MET: variants seen among roughly 807,000 people sequenced by gnomAD.
MET encodes hepatocyte growth factor receptor.
MET carries 48 observed loss-of-function variants against 133.1 expected under a neutral mutation model. The observed-to-expected ratio is 0.36, with a 90% CI of 0.29 to 0.46. The LOEUF is 0.46. Among genes scored for constraint, MET ranks in the 20% least tolerant of loss-of-function variants. The probability of loss-of-function intolerance (pLI) is 1.00; values close to 1 mark genes in which losing one functional copy is unlikely to be tolerated. For synonymous variants in MET, 628 were observed against 616.5 expected (o/e 1.02, Z -0.28); for missense variants, 1,442 against 1,695.9 (o/e 0.85, Z 2.63).
intron 1 of MET, among the ~76,000 whole-genome samples, chr7:116,683,990 T>C (rs1656492171): frequency 6.6e-6 from 1 of 152,146 alleles, no homozygotes; most frequent in South Asian, 2.1e-4. Flanking sequence ...CAAACCGCTC[T>C]CTCTCACTTC....
At chr7:116,723,121 A>G (rs1792568296) in intron 2 of MET, among the ~76,000 whole-genome samples, 1 of 136,180 alleles carries the variant, frequency 7.3e-6, no homozygotes, top group Non-Finnish European at 1.6e-5. Context: ...AGGTACACCA[A>G]TCAGACGTAG....
intron 19 of MET, among the ~76,000 whole-genome samples, chr7:116,794,572 A>G (rs1046990957): frequency 5.9e-5 from 9 of 152,220 alleles, no homozygotes; most frequent in African/African-American, 2.2e-4. Flanking sequence ...GTTCAAAGGC[A>G]GGCTTTATTC....
chr7:116,753,377 A>G (rs1794004465), intron 5 of MET, among the ~76,000 whole-genome samples: 2 of 152,154 alleles, frequency 1.3e-5, no homozygotes, highest in Non-Finnish European at 2.9e-5. Context: ...TTCCTTTCTC[A>G]ATTGTCACAA....
At chr7:116,724,443 C>A (rs1252335077) in intron 2 of MET, among the ~76,000 whole-genome samples, 1 of 152,246 alleles carries the variant, frequency 6.6e-6, no homozygotes, top group African/African-American at 2.4e-5. Flanking sequence ...GTCGCTCACG[C>A]TGGGAGCTGT....
At chr7:116,689,278 G>A (rs1158248439) in intron 1 of MET, among the ~76,000 whole-genome samples, 7 of 152,110 alleles carry the variant, frequency 4.6e-5, no homozygotes, top group African/African-American at 1.7e-4. Context: ...AAAATGCTAT[G>A]CAGTTTTGCA....
chr7:116,786,331 T>C (rs1795313464), intron 19 of MET, among the ~76,000 whole-genome samples: 2 of 152,214 alleles, frequency 1.3e-5, no homozygotes, highest in Non-Finnish European at 2.9e-5. Context: ...CTTCAACATA[T>C]GAATTTCCGG....
At chr7:116,675,430 T>A (rs75159953) in intron 1 of MET, among the ~76,000 whole-genome samples, 1,611 of 152,264 alleles carry the variant, frequency 0.011, 15 homozygotes, top group African/African-American at 0.028. Context: ...AATTTTTTTT[T>A]AAAAATCAAA....
In MET at chr7:116,740,960, G is replaced by A. The variant is rs774462373; in HGVS notation, c.1636G>A (p.Val546Met). ...GTGTGGCTGGTGCCACGACAAATGT[G>A]TGCGATCGGAGGAATGCCTGAGCGG... ...VQCGWCHDKC[V>M]RSEECLSGTW... Residue 546 changes from valine to methionine, a missense_variant, in exon 5 of 21, where the codon GTG (valine) becomes ATG (methionine). Around this residue, in one of 6 missense-constraint regions of MET, gnomAD observed 762 missense variants for 792.4 expected, o/e 0.96. Transcript: ENST00000397752. 8.7e-6 allele frequency: 14 copies of A among 1,613,942 alleles called. No homozygotes were observed. The East Asian group carries it at 2.5e-4, about 28-fold the overall frequency.
At chr7:116,695,816 T>C (rs1400494495) in intron 1 of MET, 1 of 481,734 alleles carries the variant, frequency 2.1e-6, no homozygotes, top group Non-Finnish European at 4.3e-6. Flanking sequence ...ACTCAATACA[T>C]GTTCTTGTTA....
intron 5 of MET, among the ~76,000 whole-genome samples, chr7:116,746,256 C>T (rs1179612756): frequency 6.6e-6 from 1 of 152,144 alleles, no homozygotes; most frequent in Non-Finnish European, 1.5e-5. Context: ...GTTAGAATGG[C>T]AATCATTAAA....
intron 5 of MET, among the ~76,000 whole-genome samples, chr7:116,749,227 A>C (rs1793823745): frequency 6.6e-6 from 1 of 152,194 alleles, no homozygotes; most frequent in Admixed American, 6.5e-5. Flanking sequence ...CTGGCAAACC[A>C]AATCCAGCAA....
At chr7:116,701,762 T>A (rs1791590172) in intron 2 of MET, among the ~76,000 whole-genome samples, 1 of 152,096 alleles carries the variant, frequency 6.6e-6, no homozygotes, top group South Asian at 2.1e-4. Flanking sequence ...AAACCTGGGA[T>A]TAGGAAATAA....
intron 2 of MET, among the ~76,000 whole-genome samples, chr7:116,714,819 C>T (rs1315070148): frequency 1.3e-5 from 2 of 151,546 alleles, no homozygotes; most frequent in East Asian, 3.9e-4. Context: ...AGCATATATT[C>T]TATCTAGCCC....
chr7:116,705,909 C>G lies in MET; in HGVS notation c.1200+5625C>G, dbSNP rs1791770804. On this transcript the variant is annotated intron_variant, in intron 2 of 20. Coordinates refer to ENST00000397752, the MANE Select transcript of MET (RefSeq NM_000245.4). ...TTCTTTCCAGAATTTTGTAACGCCC[C>G]CTGAGATCACTGGGCACACCCTTGG... Among the ~76,000 whole-genome samples the G allele has an allele frequency of 2.0e-5, 3 of 151,978 alleles. No homozygotes were observed. In the South Asian group the frequency reaches 6.2e-4, roughly 32 times the overall value.
rs1791495307 is a variant in MET, at chr7:116,699,758, G to A, written c.674G>A (p.Gly225Asp). The change falls in exon 2 of 21, where the codon GGT (glycine) becomes GAT (aspartate). Residue 225 changes from glycine to aspartate, a missense_variant. Around this residue, in one of 6 missense-constraint regions of MET, gnomAD observed 762 missense variants for 792.4 expected, o/e 0.96. Coordinates refer to ENST00000397752, the MANE Select transcript of MET (RefSeq NM_000245.4). Reference protein sequence around the residue: ...SVRRLKETKDGFMFLTDQSYI... With the variant: ...SVRRLKETKDDFMFLTDQSYI... ...AGAAGGCTAAAGGAAACGAAAGATG[G>A]TTTTATGTTTTTGACGGACCAGTCC... The A allele has an allele frequency of 6.2e-7, 1 of 1,614,114 alleles. No individual in the cohort carries two copies. The highest frequency in any genetic ancestry group is 8.5e-7 in the Non-Finnish European group (1 of 1,179,982).
intron 5 of MET, among the ~76,000 whole-genome samples, chr7:116,742,496 G>A (rs1031113005): frequency 6.6e-6 from 1 of 152,178 alleles, no homozygotes; most frequent in Non-Finnish European, 1.5e-5. Flanking sequence ...ATATGTGTGT[G>A]TGCCCATGCA....
At chr7:116,716,490 AAAG>A (rs1371468240) in intron 2 of MET, among the ~76,000 whole-genome samples, 2 of 145,328 alleles carry the variant, frequency 1.4e-5, no homozygotes, top group Admixed American at 6.8e-5. Flanking sequence ...AGAAAGAAAG[AAAG>A]AAAGAAAGAA....
chr7:116,722,873 C>T (rs1301491730), intron 2 of MET, among the ~76,000 whole-genome samples: 8 of 150,262 alleles, frequency 5.3e-5, no homozygotes, highest in African/African-American at 1.9e-4. Context: ...ATGGGCTTCC[C>T]TTTGAGGGTA....
At chr7:116,782,229 T>C (rs1277104433) in intron 18 of MET, 132 bp downstream of exon 18, 3 of 727,922 alleles carry the variant, frequency 4.1e-6, no homozygotes, top group African/African-American at 1.7e-5. Context: ...CAATCTTAAA[T>C]CGATGTGTAA....
Sources: allele counts gnomAD v4.1 joint callset (sites outside exome capture counted in the v4.1 genomes callset), GRCh38; gene constraint gnomAD v4.1.1; regional missense constraint gnomAD v4.1.1; transcripts MANE v1.5; gene names NCBI Gene and HGNC (gene_info 2026-07-23, HGNC 2026-07-21).